The following PIK3C2B variants were observed in gnomAD, a reference collection of about 807,000 sequenced individuals.
PIK3C2B encodes the protein phosphatidylinositol-4-phosphate 3-kinase catalytic subunit type 2 beta.
In PIK3C2B, 83 loss-of-function variants were observed where a neutral mutation model predicts 184.3. The ratio of observed to expected loss-of-function variants is 0.45; its 90% confidence interval spans 0.38 to 0.54. The LOEUF is 0.54. PIK3C2B is among the 20% of genes least tolerant of loss of function. The pLI, the probability that PIK3C2B is intolerant of heterozygous loss-of-function variation, is 0.00. For missense variants in PIK3C2B, 1,736 were observed against 2,113.5 expected (o/e 0.82, Z 3.50); for synonymous variants, 779 against 837.6 (o/e 0.93, Z 1.21).
rs757277438 is a variant in PIK3C2B, at chr1:204,447,493, A to G, written c.2432T>C (p.Leu811Pro). The change falls in exon 15 of 33, where the codon CTC (leucine) becomes CCC (proline). Residue 811 changes from leucine to proline, a missense_variant. Transcript: ENST00000684373. This position sits in a 1 kb window ranked among gnomAD's most constrained non-coding sequence, Gnocchi z 4.1. ...KFSPRYEFGSLREEDQRKLKD... is the reference protein window; with the variant it reads ...KFSPRYEFGSPREEDQRKLKD... ...AAGCTTGCGCTGGTCTTCTTCCCGGAGGCTGCCAAACTCATAGCGGGGGCT... is the reference window on the plus strand; with the variant it reads ...AAGCTTGCGCTGGTCTTCTTCCCGGGGGCTGCCAAACTCATAGCGGGGGCT... The G allele has an allele frequency of 5.6e-6, 9 of 1,612,806 alleles. No individual in the cohort carries two copies. Among genetic ancestry groups the G allele is most frequent in the Admixed American group, 3.3e-5 (2 of 59,886 alleles).
At chr1:204,488,649 T>C (rs1216916422) in intron 1 of PIK3C2B, among the ~76,000 whole-genome samples, 1 of 152,202 alleles carries the variant, frequency 6.6e-6, no homozygotes, top group East Asian at 1.9e-4. Flanking sequence ...ACTCCTTCAG[T>C]GGCTCTGGCG....
chr1:204,445,980 T>C lies in PIK3C2B; in HGVS notation c.2654A>G (p.Asp885Gly). 6.4e-7 allele frequency: 1 copy of C among 1,555,772 alleles called. No homozygotes were observed. Among genetic ancestry groups the C allele is most frequent in the South Asian group, 1.2e-5 (1 of 85,024 alleles). The change falls in exon 16 of 33, where the codon GAT (aspartate) becomes GGT (glycine). Residue 885 changes from aspartate (D) to glycine (G), a missense_variant. Physicochemically the swap from Asp to Gly is moderately conservative, Grantham distance 94. Transcript: ENST00000684373. Reference sequence around the variant, plus strand: ...CGTGGCATGCAGGAGCCCCAGGGCATCCTGGTGGTTCATGTGGGTCCACTG... The same window carrying C: ...CGTGGCATGCAGGAGCCCCAGGGCACCCTGGTGGTTCATGTGGGTCCACTG... ...LKQWTHMNHQ[D>G]ALGLLHATFP... is the part of the protein sequence containing the mutation.
At chr1:204,466,329 T>C (rs1655786653) in intron 2 of PIK3C2B, among the ~76,000 whole-genome samples, 1 of 152,206 alleles carries the variant, frequency 6.6e-6, no homozygotes, top group African/African-American at 2.4e-5. Context: ...TAGCAACGCC[T>C]CACATCTCTC....
At position 204,425,785 on chromosome 1, in the gene PIK3C2B, T is replaced by A. The variant is rs528874992; in HGVS notation, c.4588-44A>T. The stretch of plus-strand genomic sequence containing the variant: ...CAAAAAAATGTTAAGATTTTTAACA[T>A]CTGTCTCTTCACCACCATTCCTGTG... On this transcript the variant is annotated intron_variant, in intron 31 of 32. Transcript: ENST00000684373. 47 of 1,585,104 alleles carry A rather than the reference T, an allele frequency of 3.0e-5. No individual in the cohort carries two copies. The African/African-American group carries it at 4.0e-4, about 14-fold the overall frequency.
At position 204,440,340 on chromosome 1, in the gene PIK3C2B, T is replaced by C; in HGVS notation, c.3250-19A>G. 1 of 1,566,086 alleles carries C rather than the reference T, an allele frequency of 6.4e-7. No individual in the cohort carries two copies. Among genetic ancestry groups the C allele is most frequent in the Non-Finnish European group, 8.7e-7 (1 of 1,155,218 alleles). ...CCCCACACTGGATGGAGGGAGAAAG[T>C]GACCAGATCTAATCTCCACTACCTC... On this transcript the variant is annotated intron_variant, in intron 21 of 32. Coordinates refer to ENST00000684373, the MANE Select transcript of PIK3C2B (RefSeq NM_001377334.1).
chr1:204,464,301 T>C, intron 4 of PIK3C2B, 149 bp downstream of exon 4: 1 of 1,052,888 alleles, frequency 9.5e-7, no homozygotes, highest in South Asian at 1.5e-5. Flanking sequence ...ACTAGAATGC[T>C]GGCCCCATAG....
chr1:204,432,645 A>G (rs913610060), intron 26 of PIK3C2B, among the ~76,000 whole-genome samples: 18 of 152,166 alleles, frequency 1.2e-4, no homozygotes, highest in Middle Eastern at 3.2e-3. Flanking sequence ...AAACCATCAA[A>G]CCAAGGTAGA....
chr1:204,480,441 G>A lies in PIK3C2B; in HGVS notation c.-84-10555C>T, dbSNP rs539211565. Among the ~76,000 whole-genome samples the A allele has an allele frequency of 2.6e-5, 4 of 152,154 alleles. No homozygotes were observed. The South Asian group carries it at 6.2e-4, about 24-fold the overall frequency. Reference sequence around the variant, plus strand: ...AGAGTTGGGAAAAGATTGTAGACCCGATGAAGGGAGGCTGGCATGGTGGGA... The same window carrying A: ...AGAGTTGGGAAAAGATTGTAGACCCAATGAAGGGAGGCTGGCATGGTGGGA... On this transcript the variant is annotated intron_variant, in intron 1 of 32. Coordinates refer to ENST00000684373, the MANE Select transcript of PIK3C2B (RefSeq NM_001377334.1).
intron 12 of PIK3C2B, chr1:204,454,437 G>A (rs931784021): frequency 2.5e-5 from 9 of 361,096 alleles, no homozygotes; most frequent in South Asian, 8.9e-5. Flanking sequence ...AGCCGAGATC[G>A]CACCACTGCA....
intron 31 of PIK3C2B, among the ~76,000 whole-genome samples, chr1:204,426,433 C>A (rs575791061): frequency 3.5e-4 from 53 of 152,302 alleles, no homozygotes; most frequent in African/African-American, 1.3e-3. Flanking sequence ...AGTCTGCCCT[C>A]AGATGCATAA....
chr1:204,428,292 T>C (rs1674857541), intron 29 of PIK3C2B, 72 bp from the exon 30 acceptor site: 12 of 908,510 alleles, frequency 1.3e-5, no homozygotes, highest in Admixed American at 4.2e-5. Context: ...AGGGGACTGT[T>C]CCAGATGTAA....
chr1:204,465,385 C>G (rs1655676243), intron 2 of PIK3C2B, 66 bp from the exon 3 acceptor site: 6 of 948,616 alleles, frequency 6.3e-6, no homozygotes, highest in East Asian at 4.8e-5. Flanking sequence ...ATGAGGTACT[C>G]CAGACCTAAA....
Position 204,468,904 on chromosome 1 carries a change from G to T in PIK3C2B, c.899C>A (p.Thr300Lys). ...ASRYGNRKNA[T>K]PGKNRRISAA... ...AGAAATCCGGCGGTTCTTGCCAGGCGTCGCATTCTTTCGGTTGCCATAGCG... is the reference window on the plus strand; with the variant it reads ...AGAAATCCGGCGGTTCTTGCCAGGCTTCGCATTCTTTCGGTTGCCATAGCG... Residue 300 changes from threonine (T) to lysine (K), a missense_variant, in exon 2 of 33, where the codon ACG (threonine) becomes AAG (lysine). Thr to Lys is a moderately conservative substitution (Grantham distance 78). Transcript: ENST00000684373. 2 of 1,599,878 alleles carry T rather than the reference G, an allele frequency of 1.3e-6. No individual in the cohort carries two copies. The highest frequency in any genetic ancestry group is 1.7e-6 in the Non-Finnish European group (2 of 1,171,866).
intron 12 of PIK3C2B, among the ~76,000 whole-genome samples, chr1:204,450,717 G>A (rs1289448406): frequency 3.3e-5 from 5 of 152,184 alleles, no homozygotes; most frequent in Non-Finnish European, 5.9e-5. Flanking sequence ...CACTATTCAA[G>A]CCCATAAGTT....
chr1:204,478,806 T>G (rs760072880), intron 1 of PIK3C2B, among the ~76,000 whole-genome samples: 28 of 152,254 alleles, frequency 1.8e-4, no homozygotes, highest in African/African-American at 6.5e-4. Context: ...ACACAAGAGT[T>G]TAGTGGAAGT....
chr1:204,465,169 C>CCCCAACCCCCCAAG, intron 3 of PIK3C2B, 50 bp downstream of exon 3: 1 of 760,070 alleles, frequency 1.3e-6, no homozygotes. Flanking sequence ...TGGCCCCCCT[C>CCCCAACCCCCCAAG]CCCATCCCCC....
At position 204,444,419 on chromosome 1, in the gene PIK3C2B, G is replaced by A. The variant is rs1487576836; in HGVS notation, c.2684C>T (p.Pro895Leu). The A allele has an allele frequency of 2.4e-5, 39 of 1,611,816 alleles. No homozygotes were observed. The highest frequency in any genetic ancestry group is 3.0e-5 in the Non-Finnish European group (35 of 1,179,010). The change falls in exon 17 of 33, where the codon CCG (proline) becomes CTG (leucine). Residue 895 changes from proline (P) to leucine (L), a missense_variant. Pro to Leu is a moderately conservative substitution (Grantham distance 98). Around this residue, in one of 8 missense-constraint regions of PIK3C2B, gnomAD observed 289 missense variants for 380.4 expected, o/e 0.76. Transcript: ENST00000684373. Reference sequence around the variant, plus strand: ...AGCCATACGACGCACCTCCTGGTCCGGGAAGCTGCAAAACAGAGCCCAGTG... The same window carrying A: ...AGCCATACGACGCACCTCCTGGTCCAGGAAGCTGCAAAACAGAGCCCAGTG... ...DALGLLHATF[P>L]DQEVRRMAVQ... is the part of the protein sequence containing the mutation.
intron 12 of PIK3C2B, chr1:204,450,266 C>A (rs1305009781): frequency 2.4e-6 from 1 of 416,162 alleles, no homozygotes; most frequent in Non-Finnish European, 4.3e-6. Context: ...AGGCGAACAT[C>A]CCGATTTTGA....
chr1:204,472,087 A>G (rs907617859), intron 1 of PIK3C2B, among the ~76,000 whole-genome samples: 2 of 152,176 alleles, frequency 1.3e-5, no homozygotes, highest in African/African-American at 4.8e-5. Flanking sequence ...AGAAGCATTC[A>G]ACAAATGGTG....
Sources: gnomAD v4.1 joint callset for allele counts (sites outside exome capture counted in the v4.1 genomes callset) on GRCh38, gnomAD v4.1.1 for gene constraint, gnomAD v4.1.1 regional missense constraint, Gnocchi (gnomAD v3.1) non-coding constraint, MANE v1.5 for transcripts, NCBI Gene and HGNC (gene_info 2026-07-23, HGNC 2026-07-21) for gene names.